The following RALGPS2 variants were observed in gnomAD, a reference collection of about 807,000 sequenced individuals.
RALGPS2 encodes Ral GEF with PH domain and SH3 binding motif 2.
RALGPS2 carries 43 observed loss-of-function variants against 86.8 expected under a neutral mutation model. That is an observed-to-expected ratio of 0.50 (90% CI 0.39 to 0.64). The LOEUF (loss-of-function observed/expected upper bound fraction) is 0.64. Among genes scored for constraint, RALGPS2 ranks in the 30% least tolerant of loss-of-function variants. RALGPS2 has a pLI of 0.00. For missense variants in RALGPS2, 536 were observed against 694.6 expected, an observed-to-expected ratio of 0.77 and a Z score of 2.57; for synonymous variants, 243 against 231.3, an observed-to-expected ratio of 1.05 and a Z score of -0.46.
chr1:178,837,698 G>T (rs921672203), intron 8 of RALGPS2, among the ~76,000 whole-genome samples: 10 of 73,904 alleles, frequency 1.4e-4, no homozygotes. Flanking sequence ...AGGACAGTGG[G>T]TGCAGCCCAC....
chr1:178,813,413 A>C (rs569181328), intron 6 of RALGPS2, among the ~76,000 whole-genome samples: 12 of 152,298 alleles, frequency 7.9e-5, no homozygotes, highest in African/African-American at 2.9e-4. Flanking sequence ...ACTTTGAATT[A>C]TTTTTGACAG....
At chr1:178,773,673 G>A (rs1652919566) in intron 1 of RALGPS2, among the ~76,000 whole-genome samples, 1 of 151,856 alleles carries the variant, frequency 6.6e-6, no homozygotes, top group Non-Finnish European at 1.5e-5. Flanking sequence ...GCGGGCGCCT[G>A]TAGTCCCAGC....
chr1:178,805,524 A>C (rs889921226), intron 4 of RALGPS2, among the ~76,000 whole-genome samples: 14 of 151,486 alleles, frequency 9.2e-5, no homozygotes, highest in African/African-American at 3.2e-4. Context: ...AGCACCATTT[A>C]TTAAATAGGG....
chr1:178,833,383 G>T (rs758072537), intron 7 of RALGPS2, 41 bp from the exon 8 acceptor site: 2 of 1,449,516 alleles, frequency 1.4e-6, no homozygotes, highest in South Asian at 1.5e-5. Context: ...ACAATAAAAT[G>T]AGATTTGTAA....
At chr1:178,833,625 G>T in intron 8 of RALGPS2, 75 bp downstream of exon 8, 1 of 1,484,328 alleles carries the variant, frequency 6.7e-7, no homozygotes, top group South Asian at 1.4e-5. Context: ...TGAAATTCAA[G>T]GTATTTTTTA....
chr1:178,827,480 C>T (rs373619709), intron 7 of RALGPS2, among the ~76,000 whole-genome samples: 3,621 of 149,692 alleles, frequency 0.024, 147 homozygotes, highest in African/African-American at 0.084. Context: ...CTGCAAGCTC[C>T]GCCTCCCGGG....
intron 1 of RALGPS2, among the ~76,000 whole-genome samples, chr1:178,746,425 A>G (rs1360766015): frequency 6.6e-6 from 1 of 152,178 alleles, no homozygotes; most frequent in Non-Finnish European, 1.5e-5. Context: ...AATCTCTCCT[A>G]ATTTATTTCT....
At position 178,821,703 on chromosome 1, in the gene RALGPS2, C is replaced by G; in HGVS notation, c.479C>G (p.Ala160Gly). The G allele has an allele frequency of 1.9e-6, 3 of 1,603,250 alleles. No homozygotes were observed. The highest frequency in any genetic ancestry group is 2.6e-6 in the Non-Finnish European group (3 of 1,170,768). ...ATTTTCAGGTTGACTAAAACATGGG[C>G]GGTGAGTAATATTCTTTAGTTAATG... ...APIFRLTKTW[A>G]LLSRKDKTTF... The change falls in exon 7 of 20, where the codon GCG becomes GGG. Residue 160 changes from alanine to glycine, a missense_variant and splice_region_variant. This residue lies in a region of RALGPS2 where 184 missense variants were observed against 296.7 expected (regional missense o/e 0.62). Transcript: ENST00000367635.
At chr1:178,802,904 A>G (rs1447459727) in intron 4 of RALGPS2, among the ~76,000 whole-genome samples, 2 of 152,170 alleles carry the variant, frequency 1.3e-5, no homozygotes, top group Non-Finnish European at 2.9e-5. Context: ...ACTCCAAGCC[A>G]TGTGGTTTGT....
intron 8 of RALGPS2, chr1:178,865,762 G>A (rs763199904): frequency 6.3e-7 from 1 of 1,582,194 alleles, no homozygotes; most frequent in South Asian, 1.2e-5. Context: ...CTAGGGTCCA[G>A]GTAAAAGTCT....
intron 1 of RALGPS2, chr1:178,747,640 A>C: frequency 1.3e-6 from 2 of 1,555,736 alleles, no homozygotes; most frequent in Non-Finnish European, 1.8e-6. Flanking sequence ...GCTGGCATTA[A>C]TATAATCATT....
At chr1:178,859,416 T>TA (rs1277914593) in intron 8 of RALGPS2, among the ~76,000 whole-genome samples, 1 of 148,256 alleles carries the variant, frequency 6.7e-6, no homozygotes, top group Non-Finnish European at 1.5e-5. Flanking sequence ...TTTTTTTTTT[T>TA]TTTTTTGAGA....
At chr1:178,780,308 C>G (rs1017310666) in intron 2 of RALGPS2, among the ~76,000 whole-genome samples, 1 of 152,078 alleles carries the variant, frequency 6.6e-6, no homozygotes, top group Admixed American at 6.6e-5. Context: ...CAGTACTTTT[C>G]TCCTTATTTC....
At chr1:178,796,211 C>T (rs570587056) in intron 4 of RALGPS2, among the ~76,000 whole-genome samples, 1 of 151,942 alleles carries the variant, frequency 6.6e-6, no homozygotes, top group Admixed American at 6.6e-5. Flanking sequence ...TCTCATTATA[C>T]GGACAGCTTT....
chr1:178,736,144 CTG>C (rs1650687230), intron 1 of RALGPS2, among the ~76,000 whole-genome samples: 1 of 148,502 alleles, frequency 6.7e-6, no homozygotes, highest in Non-Finnish European at 1.5e-5. Context: ...AATAAGTGCT[CTG>C]TGTTTTAATT....
chr1:178,815,056 G>T (rs1380785524), intron 6 of RALGPS2, among the ~76,000 whole-genome samples: 1 of 151,778 alleles, frequency 6.6e-6, no homozygotes, highest in Non-Finnish European at 1.5e-5. Flanking sequence ...TATTGTGTGT[G>T]TTTTGGTTTT....
At chr1:178,864,103 A>G (rs1308896957) in intron 8 of RALGPS2, among the ~76,000 whole-genome samples, 1 of 152,180 alleles carries the variant, frequency 6.6e-6, no homozygotes, top group African/African-American at 2.4e-5. Flanking sequence ...TGTAAAATAA[A>G]CATAAAATAC....
Position 178,919,768 on chromosome 1 carries a change from T to C in RALGPS2, c.*3409T>C, listed in dbSNP as rs928260717. 2 of 152,222 alleles carry C rather than the reference T, an allele frequency of 1.3e-5. No individual in the cohort carries two copies. Among genetic ancestry groups the C allele is most frequent in the African/African-American group, 4.8e-5 (2 of 41,590 alleles). The allele number at this position is 152,222 out of a possible 1,614,324, so 9.4% of individuals were successfully genotyped here. ...GGTATTGATTTCCTTCCTGTTTTTT[T>C]GAGGCACATTCCTTTACAACCAGTG... is the stretch of plus-strand genomic sequence containing the variant. On this transcript the variant is annotated 3_prime_UTR_variant, in exon 20 of 20. Transcript: ENST00000367635.
chr1:178,906,793 C>A lies in RALGPS2; in HGVS notation c.1648C>A (p.Gln550Lys). The change falls in exon 19 of 20, where the codon CAA (glutamine) becomes AAA (lysine). Residue 550 changes from glutamine (Q) to lysine (K), a missense_variant. Physicochemically the swap from Gln to Lys is moderately conservative, Grantham distance 53 (BLOSUM62 1). Transcript: ENST00000367635. The part of the protein sequence containing the change: ...DSEKGNSYKF[Q>K]AGNRMNAMLW... ...AATTTTAGGAAATTCGTACAAGTTT[C>A]AAGCTGGCAATAGAATGAATGCAAT... The A allele has an allele frequency of 1.9e-6, 3 of 1,608,280 alleles. No homozygotes were observed. In the South Asian group the frequency reaches 3.4e-5, roughly 18 times the overall value.
Sources: gnomAD v4.1 joint callset for allele counts (sites outside exome capture counted in the v4.1 genomes callset) on GRCh38, gnomAD v4.1.1 for gene constraint, gnomAD v4.1.1 regional missense constraint, MANE v1.5 for transcripts, NCBI Gene and HGNC (gene_info 2026-07-23, HGNC 2026-07-21) for gene names.